The following CLOCK variants were observed in gnomAD, a reference collection of about 807,000 sequenced individuals.
CLOCK encodes the protein clock circadian regulator.
Under a neutral mutation model 118.4 loss-of-function variants are expected in CLOCK, and 43 were observed. The observed-to-expected ratio is 0.36, with a 90% CI of 0.28 to 0.47. CLOCK has a LOEUF of 0.47. Ranked by LOEUF, CLOCK falls within the 20% of genes least tolerant of loss-of-function variation. The pLI, the probability that CLOCK is intolerant of heterozygous loss-of-function variation, is 1.00. For missense variants in CLOCK, 846 were observed against 999.9 expected (o/e 0.85, Z 2.08); for synonymous variants, 326 against 339.2 (o/e 0.96, Z 0.43).
chr4:55,496,650 T>C (rs751720170), intron 2 of CLOCK, among the ~76,000 whole-genome samples: 8 of 152,174 alleles, frequency 5.3e-5, no homozygotes, highest in Non-Finnish European at 1.0e-4. Context: ...AATGAAAAAC[T>C]TGTTCAGGGC....
Position 55,518,813 on chromosome 4 carries a change from C to T in CLOCK, c.-289-8748G>A, listed in dbSNP as rs567499717. ...TTCTGTTGCTTATAAATTACTCAGA[C>T]TAAGATACTTTGTTACAGCAGCCAA... On this transcript the variant is annotated intron_variant, in intron 1 of 22. Transcript: ENST00000513440. Among the ~76,000 whole-genome samples, 4 of 152,294 alleles carry T rather than the reference C, an allele frequency of 2.6e-5. No homozygotes were observed. In the East Asian group the frequency reaches 7.7e-4, roughly 29 times the overall value.
chr4:55,536,639 T>G (rs1577875375), intron 1 of CLOCK, among the ~76,000 whole-genome samples: 1 of 152,254 alleles, frequency 6.6e-6, no homozygotes, highest in Non-Finnish European at 1.5e-5. Context: ...CCTATACACT[T>G]TGGAGAACCG....
intron 2 of CLOCK, among the ~76,000 whole-genome samples, chr4:55,507,488 T>C: frequency 6.6e-6 from 1 of 151,906 alleles, no homozygotes; most frequent in South Asian, 2.1e-4. Flanking sequence ...TGGCGCATGC[T>C]TGTAGTCCCA....
chr4:55,496,476 T>C (rs574751037), intron 2 of CLOCK, among the ~76,000 whole-genome samples: 100 of 152,352 alleles, frequency 6.6e-4, no homozygotes, highest in African/African-American at 2.3e-3. Context: ...AGCCTTCCTT[T>C]TGACCACTGA....
At chr4:55,451,554 CCCCAGGG>C (rs1229280589) in intron 15 of CLOCK, among the ~76,000 whole-genome samples, 1 of 152,140 alleles carries the variant, frequency 6.6e-6, no homozygotes, top group African/African-American at 2.4e-5. Flanking sequence ...CGTCCCTAAA[CCCCAGGG>C]GGATCATGAT....
chr4:55,504,720 C>T (rs535000840), intron 2 of CLOCK, among the ~76,000 whole-genome samples: 24 of 152,150 alleles, frequency 1.6e-4, no homozygotes, highest in African/African-American at 3.9e-4. Context: ...TATGACCCTA[C>T]GATTAAAATA....
At chr4:55,514,509 CA>C (rs1729363541) in intron 1 of CLOCK, among the ~76,000 whole-genome samples, 1 of 151,452 alleles carries the variant, frequency 6.6e-6, no homozygotes, top group East Asian at 2.0e-4. Flanking sequence ...ATCCCCCCCC[CA>C]CTTTGCTGAG....
At chr4:55,542,591 TG>T (rs1317796403) in intron 1 of CLOCK, among the ~76,000 whole-genome samples, 3 of 151,954 alleles carry the variant, frequency 2.0e-5, no homozygotes, top group Non-Finnish European at 1.5e-5. Context: ...ACAAACCCTC[TG>T]GAACTATTAG....
chr4:55,473,096 A>G (rs1053585512), intron 7 of CLOCK, among the ~76,000 whole-genome samples: 3 of 152,138 alleles, frequency 2.0e-5, no homozygotes, highest in Non-Finnish European at 2.9e-5. Context: ...GTGGTGACAC[A>G]TGCCTGTAAT....
At chr4:55,451,706 T>A (rs1373141038) in intron 15 of CLOCK, among the ~76,000 whole-genome samples, 1 of 152,210 alleles carries the variant, frequency 6.6e-6, no homozygotes, top group Non-Finnish European at 1.5e-5. Flanking sequence ...TTACTTCAGT[T>A]TTCATAATGG....
intron 1 of CLOCK, among the ~76,000 whole-genome samples, chr4:55,517,304 A>T (rs1421188259): frequency 1.3e-5 from 2 of 152,080 alleles, no homozygotes; most frequent in African/African-American, 4.8e-5. Flanking sequence ...AGGTCAGGAG[A>T]TCGAGACCAT....
chr4:55,455,829 A>G (rs1724880962), intron 13 of CLOCK, 68 bp downstream of exon 13: 7 of 1,055,550 alleles, frequency 6.6e-6, no homozygotes, highest in Non-Finnish European at 1.0e-5. Flanking sequence ...CTTACTACCT[A>G]TCATTTCAGG....
Position 55,435,490 on chromosome 4 carries a change from C to T in CLOCK, c.2466G>A (p.Gln822=). Residue 822 remains glutamine, a synonymous_variant, in exon 23 of 23, where the codon CAG becomes CAA. Coordinates refer to ENST00000513440, the MANE Select transcript of CLOCK (RefSeq NM_004898.4). ...GGCTGAGTTGCTGCTGTTGCTGAGACTGATGTTGCTGGTGATGTGACTGAG... is the reference window on the plus strand; with the variant it reads ...GGCTGAGTTGCTGCTGTTGCTGAGATTGATGTTGCTGGTGATGTGACTGAG... ...TFPQSHHQQH[Q]SQQQQQLSRH... is the part of the protein sequence containing the mutation. 1 of 1,614,024 alleles carries T rather than the reference C, an allele frequency of 6.2e-7. No individual in the cohort carries two copies.
rs146843934 is a variant in CLOCK at position 55,501,561 on chromosome 4, G to C, written c.-136+8351C>G. 2.0e-5 allele frequency: 3 copies of C among 152,204 alleles called. No individual in the cohort carries two copies. In the East Asian group the frequency reaches 5.8e-4, roughly 29 times the overall value. The allele number at this position is 152,204 out of a possible 1,614,324, so 9.4% of individuals were successfully genotyped here. A position where few individuals can be genotyped will look rare whatever the true frequency, so the allele number is the denominator to read the frequency against. ...GCCTCCCAAGGAGCTGGGACTACAT[G>C]CATGAGCCACCATGCCTGGCTTATA... On this transcript the variant is annotated intron_variant, in intron 2 of 22. Coordinates refer to ENST00000513440, the MANE Select transcript of CLOCK (RefSeq NM_004898.4).
intron 6 of CLOCK, among the ~76,000 whole-genome samples, chr4:55,477,190 G>C (rs1014762827): frequency 2.0e-5 from 3 of 151,782 alleles, no homozygotes; most frequent in African/African-American, 4.8e-5. Context: ...TACTATTTTT[G>C]TGAGAATTAT....
At chr4:55,504,205 G>A (rs1728640602) in intron 2 of CLOCK, among the ~76,000 whole-genome samples, 1 of 141,472 alleles carries the variant, frequency 7.1e-6, no homozygotes, top group African/African-American at 2.6e-5. Flanking sequence ...AGAATCACGT[G>A]AACCCGAGAG....
At chr4:55,467,570 T>C (rs962331714) in intron 8 of CLOCK, among the ~76,000 whole-genome samples, 2 of 152,242 alleles carry the variant, frequency 1.3e-5, no homozygotes, top group African/African-American at 4.8e-5. Context: ...GACTAGATTA[T>C]ATAGTTTCTG....
At position 55,448,869 on chromosome 4, in the gene CLOCK, C is replaced by T; in HGVS notation, c.1450-1G>A. ...AACCAACAGACTGGGAATTTATGGA[C>T]TAGAGCAAAATAAAAAATAACACTG... is the stretch of plus-strand genomic sequence containing the variant. On this transcript the variant is annotated splice_acceptor_variant, in intron 17 of 22. Transcript: ENST00000513440. LOFTEE classifies it high-confidence loss of function. 1 of 1,610,900 alleles carries T rather than the reference C, an allele frequency of 6.2e-7. No individual in the cohort carries two copies. The highest frequency in any genetic ancestry group is 8.5e-7 in the Non-Finnish European group (1 of 1,177,324).
chr4:55,441,237 A>T (rs899176622), intron 21 of CLOCK, among the ~76,000 whole-genome samples: 1 of 152,314 alleles, frequency 6.6e-6, no homozygotes, highest in African/African-American at 2.4e-5. Flanking sequence ...TTACCCAGCC[A>T]GACTGGCCAT....
Sources: allele counts gnomAD v4.1 joint callset (sites outside exome capture counted in the v4.1 genomes callset), GRCh38; gene constraint gnomAD v4.1.1; transcripts MANE v1.5; gene names NCBI Gene and HGNC (gene_info 2026-07-23, HGNC 2026-07-21).